The following PDE7B variants were observed in gnomAD, a reference collection of about 807,000 sequenced individuals.
The protein encoded by PDE7B is phosphodiesterase 7B.
PDE7B carries 29 observed loss-of-function variants against 56.2 expected under a neutral mutation model. That is an observed-to-expected ratio of 0.52 (90% CI 0.38 to 0.70). The LOEUF is 0.70. PDE7B is among the 30% of genes least tolerant of loss of function. The pLI is 0.00. For synonymous variants in PDE7B, 197 were observed against 196.9 expected, an observed-to-expected ratio of 1.00 and a Z score of 0.00; for missense variants, 490 against 565.0, an observed-to-expected ratio of 0.87 and a Z score of 1.35.
At chr6:136,109,608 G>T (rs1440459000) in intron 3 of PDE7B, among the ~76,000 whole-genome samples, 1 of 152,184 alleles carries the variant, frequency 6.6e-6, no homozygotes, top group East Asian at 1.9e-4. Context: ...CAAAGCACTT[G>T]CTGCTTTCTC....
chr6:135,928,497 ATATT>A (rs1164556219), intron 1 of PDE7B, among the ~76,000 whole-genome samples: 6 of 103,770 alleles, frequency 5.8e-5, no homozygotes, highest in Middle Eastern at 4.0e-3. Context: ...TTATATATAT[ATATT>A]TATATATATA....
intron 3 of PDE7B, among the ~76,000 whole-genome samples, chr6:136,141,230 G>A (rs1006456404): frequency 3.0e-4 from 46 of 152,282 alleles, no homozygotes; most frequent in Admixed American, 2.3e-3. Context: ...TAATCATGTA[G>A]TTTTTGTCTT....
intron 2 of PDE7B, among the ~76,000 whole-genome samples, chr6:135,965,399 C>T (rs1327085122): frequency 6.6e-6 from 1 of 152,062 alleles, no homozygotes; most frequent in Middle Eastern, 3.2e-3. Context: ...GCCTGGAGAA[C>T]CCAAGGAACA....
intron 11 of PDE7B, among the ~76,000 whole-genome samples, 154 bp downstream of exon 11, chr6:136,181,477 C>T (rs188028789): frequency 5.3e-5 from 8 of 152,148 alleles, no homozygotes; most frequent in Middle Eastern, 6.3e-3. Flanking sequence ...TGGAACTCAT[C>T]CAACCCTTTT....
In PDE7B at chr6:136,173,859, G is replaced by T. The variant is rs1375399253; in HGVS notation, c.774G>T (p.Arg258Ser). ...CAATTGGCATGCTTCGAGAATCAAG[G>T]CTTCTTGCTCATTTGCCAAAGGAAA... ...RSTIGMLRESRLLAHLPKEMT... is the reference protein window; with the variant it reads ...RSTIGMLRESSLLAHLPKEMT... Residue 258 changes from arginine to serine, a missense_variant, in exon 9 of 13, where the codon AGG (arginine) becomes AGT (serine). By Grantham distance (110) the Arg-to-Ser change is moderately radical. Transcript: ENST00000308191. The T allele has an allele frequency of 6.2e-7, 1 of 1,612,446 alleles. No homozygotes were observed.
chr6:136,073,036 G>A (rs982468297), intron 2 of PDE7B, among the ~76,000 whole-genome samples: 1 of 152,118 alleles, frequency 6.6e-6, no homozygotes, highest in Non-Finnish European at 1.5e-5. Flanking sequence ...TTGGGGCTGG[G>A]CCGCTTGGAG....
At chr6:136,040,528 G>A (rs1216971704) in intron 2 of PDE7B, among the ~76,000 whole-genome samples, 3 of 152,062 alleles carry the variant, frequency 2.0e-5, no homozygotes, top group African/African-American at 7.2e-5. Flanking sequence ...CACCACAGCA[G>A]CACAACAATG....
At chr6:136,055,256 G>A (rs1776710462) in intron 2 of PDE7B, among the ~76,000 whole-genome samples, 2 of 152,216 alleles carry the variant, frequency 1.3e-5, no homozygotes, top group South Asian at 2.1e-4. Context: ...CATGTTTTAT[G>A]TGTGGGGAGT....
At chr6:136,134,154 G>C (rs1389957914) in intron 3 of PDE7B, among the ~76,000 whole-genome samples, 2 of 152,062 alleles carry the variant, frequency 1.3e-5, no homozygotes, top group Non-Finnish European at 2.9e-5. Context: ...GATGACTAAA[G>C]GCCCTCAGAG....
chr6:136,008,661 G>A (rs751917417), intron 2 of PDE7B, among the ~76,000 whole-genome samples: 61 of 152,222 alleles, frequency 4.0e-4, no homozygotes, highest in East Asian at 1.4e-3. Flanking sequence ...CACGTCCTTC[G>A]CCCACTTTTC....
chr6:136,000,989 C>T (rs1217520136), intron 2 of PDE7B, among the ~76,000 whole-genome samples: 1 of 152,188 alleles, frequency 6.6e-6, no homozygotes, highest in Admixed American at 6.5e-5. Flanking sequence ...CCGGGTACTC[C>T]TCTGAGACAA....
In PDE7B at chr6:136,155,617, T is replaced by C; in HGVS notation, c.580-10T>C. On this transcript the variant is annotated splice_polypyrimidine_tract_variant and intron_variant, in intron 7 of 12. Coordinates refer to ENST00000308191, the MANE Select transcript of PDE7B (RefSeq NM_018945.4). ...ACACCAATCAATCTCCCAATTTGTTTTTTTAACAGCTTGCCAGCTTCCTCA... is the reference window on the plus strand; with the variant it reads ...ACACCAATCAATCTCCCAATTTGTTCTTTTAACAGCTTGCCAGCTTCCTCA... 1 of 1,598,652 alleles carries C rather than the reference T, an allele frequency of 6.3e-7. No homozygotes were observed. The highest frequency in any genetic ancestry group is 8.5e-7 in the Non-Finnish European group (1 of 1,172,140).
intron 2 of PDE7B, among the ~76,000 whole-genome samples, chr6:136,086,962 G>T (rs1455317529): frequency 1.3e-5 from 2 of 152,188 alleles, no homozygotes; most frequent in Non-Finnish European, 2.9e-5. Flanking sequence ...GATTCTGGGG[G>T]AGAGAGCGCC....
intron 2 of PDE7B, among the ~76,000 whole-genome samples, chr6:136,054,793 G>A (rs1307272120): frequency 3.9e-5 from 6 of 152,114 alleles, no homozygotes; most frequent in Non-Finnish European, 7.4e-5. Context: ...GGCTAGGGAG[G>A]CCTCACAATC....
At chr6:135,898,862 C>A (rs1292236534) in intron 1 of PDE7B, among the ~76,000 whole-genome samples, 1 of 152,068 alleles carries the variant, frequency 6.6e-6, no homozygotes, top group East Asian at 1.9e-4. Context: ...ATGTATTAAA[C>A]CTTTTCAAGA....
intron 1 of PDE7B, among the ~76,000 whole-genome samples, chr6:135,889,126 CT>C (rs1380886808): frequency 6.6e-6 from 1 of 152,068 alleles, no homozygotes; most frequent in Non-Finnish European, 1.5e-5. Flanking sequence ...TTGAGGACAT[CT>C]TTAAATTCTC....
intron 3 of PDE7B, among the ~76,000 whole-genome samples, chr6:136,131,548 A>C (rs1333537125): frequency 9.2e-6 from 1 of 108,538 alleles, no homozygotes; most frequent in South Asian, 2.9e-4. Flanking sequence ...AGTAACTCCC[A>C]CTCTTTCCCT....
chr6:136,138,021 C>A (rs1340755172), intron 3 of PDE7B, among the ~76,000 whole-genome samples: 2 of 152,006 alleles, frequency 1.3e-5, no homozygotes, highest in Non-Finnish European at 2.9e-5. Flanking sequence ...AATTTGGAAA[C>A]CATAAAACAA....
chr6:136,185,130 TGAA>T (rs1298990884), intron 11 of PDE7B, among the ~76,000 whole-genome samples: 4 of 152,132 alleles, frequency 2.6e-5, no homozygotes, highest in African/African-American at 9.7e-5. Context: ...CATCTGGAGT[TGAA>T]GAGTTAGGGT....
Sources: gnomAD v4.1 joint callset for allele counts (sites outside exome capture counted in the v4.1 genomes callset) on GRCh38, gnomAD v4.1.1 for gene constraint, MANE v1.5 for transcripts, NCBI Gene and HGNC (gene_info 2026-07-23, HGNC 2026-07-21) for gene names.